Variants in CHN2 observed in about 807,000 individuals in gnomAD.
CHN2 encodes chimerin 2.
In CHN2, 35 loss-of-function variants were observed where a neutral mutation model predicts 56.3. That is an observed-to-expected ratio of 0.62 (90% CI 0.47 to 0.82). The LOEUF is 0.82. Ranked by LOEUF, CHN2 falls within the 40% of genes least tolerant of loss-of-function variation. CHN2 has a pLI of 0.00. For synonymous variants in CHN2, 210 were observed against 212.8 expected (o/e 0.99, Z 0.12); for missense variants, 491 against 580.5 (o/e 0.85, Z 1.58).
At chr7:29,424,528 A>C (rs1804656691) in intron 6 of CHN2, among the ~76,000 whole-genome samples, 3 of 152,194 alleles carry the variant, frequency 2.0e-5, no homozygotes, top group Admixed American at 1.3e-4. Context: ...GTCAATTGTC[A>C]CAACTGTTGA....
intron 1 of CHN2, among the ~76,000 whole-genome samples, chr7:29,280,383 CATAA>C (rs367917595): frequency 4.7e-5 from 7 of 150,422 alleles, no homozygotes; most frequent in Middle Eastern, 3.4e-3. Flanking sequence ...GGCTCCGTCT[CATAA>C]ATAAATAAAT....
chr7:29,330,576 GT>G lies in CHN2; in HGVS notation c.50-24047del, dbSNP rs58524482. On this transcript the variant is annotated intron_variant, in intron 1 of 12. Coordinates refer to ENST00000222792, the MANE Select transcript of CHN2 (RefSeq NM_004067.4). ...CAGAGACAAATTCATGTTCTTGGATGTTGTGTATAAGTGTGTGTTTTAGAAA... is the reference window on the plus strand; with the variant it reads ...CAGAGACAAATTCATGTTCTTGGATGTGTGTATAAGTGTGTGTTTTAGAAA... 4.0e-3 allele frequency among the ~76,000 whole-genome samples: 602 copies of G among 152,302 alleles called. 1 individual carries two copies. Among genetic ancestry groups the G allele is most frequent in the African/African-American group, 0.013 (561 of 41,568 alleles).
At chr7:29,418,028 C>G (rs1052091068) in intron 6 of CHN2, among the ~76,000 whole-genome samples, 3 of 152,130 alleles carry the variant, frequency 2.0e-5, no homozygotes, top group Non-Finnish European at 2.9e-5. Context: ...AACTCAGGTG[C>G]CAGAAATCCA....
At chr7:29,445,959 G>C (rs537549422) in intron 6 of CHN2, among the ~76,000 whole-genome samples, 1 of 151,822 alleles carries the variant, frequency 6.6e-6, no homozygotes, top group South Asian at 2.1e-4. Flanking sequence ...GTGGCTACTC[G>C]TGCAGCTCTC....
chr7:29,264,460 T>C lies in CHN2; in HGVS notation c.49+69470T>C, dbSNP rs145993031. On this transcript the variant is annotated intron_variant, in intron 1 of 12. Transcript: ENST00000222792. ...AGACCTGGGAGACTCCATTTTGTTC[T>C]GTACTAGGAAAAATTCTTCTGCCTT... Among the ~76,000 whole-genome samples, 343 of 152,364 alleles carry C rather than the reference T, an allele frequency of 2.3e-3. 10 individuals are homozygous for C. The East Asian group carries it at 0.06, about 27-fold the overall frequency.
chr7:29,194,839 C>G lies in CHN2; in HGVS notation c.-103C>G. On this transcript the variant is annotated 5_prime_UTR_variant, in exon 1 of 13. Coordinates refer to ENST00000222792, the MANE Select transcript of CHN2 (RefSeq NM_004067.4). ...CTTTCTGCGCGTCCCCAGGACTTTG[C>G]CATGGGCTGGGGGCCGCGGAGGCTG... The G allele has an allele frequency of 2.7e-6, 3 of 1,118,846 alleles. No individual in the cohort carries two copies. Among genetic ancestry groups the G allele is most frequent in the Non-Finnish European group, 3.5e-6 (3 of 856,870 alleles). 69.3% of individuals were successfully genotyped at this position (1,118,846 alleles called of 1,614,324 possible).
chr7:29,400,348 TG>T (rs1802101655), intron 5 of CHN2, 194 bp from the exon 6 acceptor site: 1 of 606,994 alleles, frequency 1.6e-6, no homozygotes, highest in African/African-American at 1.9e-5. Flanking sequence ...CAGTTACCTT[TG>T]CGGTAAGACA....
chr7:29,372,368 A>G (rs1205710010), intron 3 of CHN2, among the ~76,000 whole-genome samples: 1 of 152,150 alleles, frequency 6.6e-6, no homozygotes, highest in Non-Finnish European at 1.5e-5. Flanking sequence ...ATAAAAAAGT[A>G]GCACCTCCCC....
chr7:29,489,481 G>A (rs989661794), intron 7 of CHN2, among the ~76,000 whole-genome samples: 3 of 152,210 alleles, frequency 2.0e-5, no homozygotes, highest in Non-Finnish European at 2.9e-5. Flanking sequence ...GACATAATAA[G>A]TAGAAGCCAA....
chr7:29,231,291 A>G (rs1786686390), intron 1 of CHN2, among the ~76,000 whole-genome samples: 1 of 152,220 alleles, frequency 6.6e-6, no homozygotes. Flanking sequence ...CAAACAGGTT[A>G]TGTGTTAGCA....
chr7:29,487,497 GTAATA>G (rs888847672), intron 7 of CHN2, among the ~76,000 whole-genome samples: 2 of 152,130 alleles, frequency 1.3e-5, no homozygotes, highest in Non-Finnish European at 2.9e-5. Context: ...TTGTTTTCAA[GTAATA>G]TAACCCCTGG....
upstream of CHN2, chr7:29,192,634 A>G (rs1308634324): frequency 6.6e-6 from 1 of 152,250 alleles, no homozygotes; most frequent in African/African-American, 2.4e-5. Context: ...ACTTTGGAAC[A>G]CAAACTTCAT....
intron 2 of CHN2, among the ~76,000 whole-genome samples, chr7:29,177,104 C>T (rs1328164815): frequency 6.6e-6 from 1 of 152,078 alleles, no homozygotes; most frequent in Non-Finnish European, 1.5e-5. Context: ...GTTTAGTGAA[C>T]ATTGTCTTCT....
At chr7:29,206,689 A>G (rs888022074) in intron 1 of CHN2, among the ~76,000 whole-genome samples, 3 of 152,212 alleles carry the variant, frequency 2.0e-5, no homozygotes, top group African/African-American at 7.2e-5. Context: ...GTGGTTCACA[A>G]GCACATTTCA....
chr7:29,165,959 T>G (rs1260223530), intron 2 of CHN2, among the ~76,000 whole-genome samples: 1 of 152,204 alleles, frequency 6.6e-6, no homozygotes, highest in Non-Finnish European at 1.5e-5. Context: ...GTAGATTTTC[T>G]TTTCTTGTAA....
chr7:29,176,118 G>A (rs1001468097), intron 2 of CHN2, among the ~76,000 whole-genome samples: 8 of 151,970 alleles, frequency 5.3e-5, no homozygotes, highest in African/African-American at 1.4e-4. Context: ...CCTGGGAGGC[G>A]GAGCTTACAG....
At position 29,471,585 on chromosome 7, in the gene CHN2, T is replaced by C. The variant is rs111975402; in HGVS notation, c.577-8694T>C. Among the ~76,000 whole-genome samples the C allele has an allele frequency of 7.0e-3, 1,062 of 152,218 alleles. 14 individuals carry two copies. Among genetic ancestry groups the C allele is most frequent in the African/African-American group, 0.024 (1,012 of 41,526 alleles). ...GGTGACTGTTTTGAATGAGGCAAAA[T>C]TGTATTCTAGGAGGGGCAGTAAGAC... On this transcript the variant is annotated intron_variant, in intron 6 of 12. Transcript: ENST00000222792.
intron 6 of CHN2, among the ~76,000 whole-genome samples, chr7:29,451,128 C>G (rs1221184551): frequency 1.3e-5 from 2 of 152,108 alleles, no homozygotes; most frequent in Non-Finnish European, 1.5e-5. Flanking sequence ...GCACCCCCAC[C>G]ACCACCACAT....
rs199792990 is a variant in CHN2 at position 29,197,804 on chromosome 7, TAA to T, written c.49+2817_49+2818del. The T allele has an allele frequency of 3.1e-4, 120 of 388,726 alleles. No homozygotes were observed. The East Asian group carries it at 8.3e-3, about 27-fold the overall frequency. The allele number at this position is 388,726 out of a possible 1,614,324, so 24.1% of individuals were successfully genotyped here. On this transcript the variant is annotated intron_variant, in intron 1 of 12. Transcript: ENST00000222792. ...AACAGCAACCTCTATTCCAGTTTGATAAAACAAATTCTGTGGAGAAGGGTGCA... is the reference window on the plus strand; with the variant it reads ...AACAGCAACCTCTATTCCAGTTTGATAACAAATTCTGTGGAGAAGGGTGCA...
Sources: gnomAD v4.1 joint callset for allele counts (sites outside exome capture counted in the v4.1 genomes callset) on GRCh38, gnomAD v4.1.1 for gene constraint, MANE v1.5 for transcripts, NCBI Gene and HGNC (gene_info 2026-07-23, HGNC 2026-07-21) for gene names.